The following MPIG6B variants were observed in gnomAD, a reference collection of about 807,000 sequenced individuals.
MPIG6B encodes megakaryocyte and platelet inhibitory receptor G6b, also known as immunoglobulin receptor.
In MPIG6B, 22 loss-of-function variants were observed where a neutral mutation model predicts 24.2. The ratio of observed to expected loss-of-function variants is 0.91; its 90% CI spans 0.65 to 1.30. MPIG6B has a LOEUF of 1.30. MPIG6B is among the 50% of genes most tolerant of loss of function. The pLI is 0.00. For missense variants in MPIG6B, 301 were observed against 318.5 expected, an observed-to-expected ratio of 0.94 and a Z score of 0.42; for synonymous variants, 136 against 142.0, an observed-to-expected ratio of 0.96 and a Z score of 0.30.
At position 31,723,622 on chromosome 6, in the gene MPIG6B, C is replaced by T; in HGVS notation, c.62-17C>T. 6.5e-7 allele frequency: 1 copy of T among 1,541,700 alleles called. No individual in the cohort carries two copies. The highest frequency in any genetic ancestry group is 8.7e-7 in the Non-Finnish European group (1 of 1,145,514). On this transcript the variant is annotated splice_polypyrimidine_tract_variant and intron_variant, in intron 1 of 5. Transcript: ENST00000649779. The surrounding 1 kb of genome is among the most constrained non-coding windows in gnomAD (Gnocchi z 4.3). ...CCCTGTGGACGTGCCCTAACCACAG[C>T]CTCCGGCCTCTCCTAGCTTCTCTGG...
Position 31,723,775 on chromosome 6 carries a change from C to T in MPIG6B, c.198C>T (p.Ala66=). ...AAGGACGCCGACCGATCCTGTGGGCCTCTTCGAGCGGGACCCCCACCGTGC... is the reference window on the plus strand; with the variant it reads ...AAGGACGCCGACCGATCCTGTGGGCTTCTTCGAGCGGGACCCCCACCGTGC... The part of the protein sequence containing the change: ...LSKGRRPILW[A]SSSGTPTVPP... Residue 66 remains alanine (A), a synonymous_variant, in exon 2 of 6, where the codon GCC becomes GCT. Coordinates refer to ENST00000649779, the MANE Select transcript of MPIG6B (RefSeq NM_138272.3). This position sits in a 1 kb window ranked among gnomAD's most constrained non-coding sequence, Gnocchi z 4.3. 6.2e-7 allele frequency: 1 copy of T among 1,613,954 alleles called. No homozygotes were observed. The highest frequency in any genetic ancestry group is 1.3e-5 in the African/African-American group (1 of 75,054).
chr6:31,724,164 GAT>G lies in MPIG6B; in HGVS notation c.433_434del (p.Ile145ProfsTer34). 6.2e-7 allele frequency: 1 copy of G among 1,613,178 alleles called. No homozygotes were observed. The highest frequency in any genetic ancestry group is 8.5e-7 in the Non-Finnish European group (1 of 1,179,896). ...THGSVYPQLL[I>X]PLLGAGLVLG... ...CAGGGTCCGTGTATCCCCAGCTCCT[GAT>G]CCCGCTGCTGGGCGCTGGGTTGGTG... On this transcript the variant is annotated frameshift_variant, in exon 3 of 6. Coordinates refer to ENST00000649779, the MANE Select transcript of MPIG6B (RefSeq NM_138272.3). LOFTEE classifies it high-confidence loss of function.
upstream of MPIG6B, chr6:31,722,947 T>G: frequency 4.1e-6 from 1 of 241,812 alleles, no homozygotes. Context: ...TTACTTTATT[T>G]CGTTATCACA....
chr6:31,726,575 C>T lies in MPIG6B; in HGVS notation c.*1501C>T, dbSNP rs1266301265. The T allele has an allele frequency of 6.6e-6, 1 of 152,262 alleles. No homozygotes were observed. The highest frequency in any genetic ancestry group is 1.5e-5 in the Non-Finnish European group (1 of 68,068). 9.4% of individuals were successfully genotyped at this position (152,262 alleles called of 1,614,324 possible). On this transcript the variant is annotated 3_prime_UTR_variant, in exon 6 of 6. Coordinates refer to ENST00000649779, the MANE Select transcript of MPIG6B (RefSeq NM_138272.3). This position sits in a 1 kb window ranked among gnomAD's most constrained non-coding sequence, Gnocchi z 5.1. ...ACCCCCTTTATTTCCCTCATAGAAA[C>T]AGCCTTCTGTAAATTGTTCCATGAC...
intron 3 of MPIG6B, 47 bp from the exon 4 acceptor site, chr6:31,724,540 A>G (rs1369524627): frequency 1.3e-6 from 2 of 1,552,384 alleles, no homozygotes; most frequent in Middle Eastern, 1.7e-4. Context: ...CAGGAGAACC[A>G]GTGAGACAAG....
chr6:31,724,912 C>A, intron 5 of MPIG6B, 58 bp from the exon 6 acceptor site: 1 of 1,602,402 alleles, frequency 6.2e-7, no homozygotes. Context: ...AAAAAAAAGG[C>A]CTGAACCCCA....
intron 2 of MPIG6B, 35 bp from the exon 3 acceptor site, chr6:31,724,107 C>T: frequency 6.3e-7 from 1 of 1,591,990 alleles, no homozygotes; most frequent in East Asian, 2.2e-5. Flanking sequence ...AAACCCCTGA[C>T]CTCAGCATCC....
chr6:31,724,061 G>T, intron 2 of MPIG6B, 75 bp downstream of exon 2: 4 of 1,575,736 alleles, frequency 2.5e-6, no homozygotes, highest in Non-Finnish European at 3.5e-6. Context: ...GCCTTGGCTG[G>T]GGGTTCTTGA....
At chr6:31,723,277 G>GC (rs1038461072), upstream of MPIG6B, 17 of 816,574 alleles carry the variant, frequency 2.1e-5, no homozygotes, top group Admixed American at 1.4e-4. This position sits in a 1 kb window ranked among gnomAD's most constrained non-coding sequence, Gnocchi z 4.3. Context: ...TCTTATCGGA[G>GC]CCCCCCAGCC....
upstream of MPIG6B, chr6:31,721,656 G>A (rs374302350): frequency 6.8e-6 from 11 of 1,614,042 alleles, no homozygotes; most frequent in African/African-American, 1.2e-4. Flanking sequence ...GAACAGACAG[G>A]GTGAGCAGCA....
chr6:31,720,522 G>A (rs1806723824), upstream of MPIG6B, among the ~76,000 whole-genome samples: 1 of 152,124 alleles, frequency 6.6e-6, no homozygotes. This position sits in a 1 kb window ranked among gnomAD's most constrained non-coding sequence, Gnocchi z 4.9. Context: ...TGGAATGTGA[G>A]GAAGATACCA....
At chr6:31,721,612 GC>G (rs755137977), upstream of MPIG6B, 165 of 1,613,022 alleles carry the variant, frequency 1.0e-4, no homozygotes, top group Admixed American at 4.7e-4. Context: ...GGTCTTTGGG[GC>G]CCCCAGGTGC....
At chr6:31,722,003 G>A (rs1806824044), upstream of MPIG6B, among the ~76,000 whole-genome samples, 1 of 152,182 alleles carries the variant, frequency 6.6e-6, no homozygotes, top group Non-Finnish European at 1.5e-5. Context: ...TAAGAGTCCT[G>A]CTGCTCAGTC....
rs2151302096 is a variant in MPIG6B, at chr6:31,725,388, A to G, written c.*314A>G. The G allele has an allele frequency of 3.5e-6, 1 of 289,258 alleles. No homozygotes were observed. The highest frequency in any genetic ancestry group is 6.3e-6 in the Non-Finnish European group (1 of 158,362). The allele number at this position is 289,258 out of a possible 1,614,324, so 17.9% of individuals were successfully genotyped here. A position where few individuals can be genotyped will look rare whatever the true frequency, so the allele number is the denominator to read the frequency against. The stretch of plus-strand genomic sequence containing the variant: ...CTGTTGCCCAGGCTGGAGTGCAGTG[A>G]CACCATCTCCCTCACTGCAAGCTCC... On this transcript the variant is annotated 3_prime_UTR_variant, in exon 6 of 6. Coordinates refer to ENST00000649779, the MANE Select transcript of MPIG6B (RefSeq NM_138272.3). The surrounding 1 kb of genome is among the most constrained non-coding windows in gnomAD (Gnocchi z 5.2).
At chr6:31,724,326 G>C (rs774681472) in intron 3 of MPIG6B, 94 bp downstream of exon 3, 8 of 1,087,862 alleles carry the variant, frequency 7.4e-6, no homozygotes, top group Non-Finnish European at 1.1e-5. Context: ...GCTAGACCTA[G>C]AGCTCTGGTC....
Position 31,723,785 on chromosome 6 carries a change from G to T in MPIG6B, c.208G>T (p.Gly70Trp). Residue 70 changes from glycine (G) to tryptophan (W), a missense_variant, in exon 2 of 6, where the codon GGG becomes TGG. Physicochemically the swap from Gly to Trp is radical, Grantham distance 184. Coordinates refer to ENST00000649779, the MANE Select transcript of MPIG6B (RefSeq NM_138272.3). The surrounding 1 kb of genome is among the most constrained non-coding windows in gnomAD (Gnocchi z 4.3). Reference sequence around the variant, plus strand: ...ACCGATCCTGTGGGCCTCTTCGAGCGGGACCCCCACCGTGCCTCCCCTCCA... The same window carrying T: ...ACCGATCCTGTGGGCCTCTTCGAGCTGGACCCCCACCGTGCCTCCCCTCCA... ...RRPILWASSS[G>W]TPTVPPLQPF... The T allele has an allele frequency of 6.2e-7, 1 of 1,613,972 alleles. No homozygotes were observed. The highest frequency in any genetic ancestry group is 8.5e-7 in the Non-Finnish European group (1 of 1,180,000).
upstream of MPIG6B, chr6:31,723,352 C>A: frequency 6.3e-7 from 1 of 1,597,652 alleles, no homozygotes; most frequent in South Asian, 1.1e-5. The surrounding 1 kb of genome is among the most constrained non-coding windows in gnomAD (Gnocchi z 4.3). Flanking sequence ...GCCGCTGATT[C>A]GCTCGCAGCT....
At chr6:31,724,676 A>C in intron 4 of MPIG6B, 49 bp downstream of exon 4, 10 of 1,603,882 alleles carry the variant, frequency 6.2e-6, no homozygotes, top group Non-Finnish European at 7.7e-6. Flanking sequence ...CCCACTCCCC[A>C]CCCCTCAATT....
rs1562173185 is a variant in MPIG6B, at chr6:31,723,881, GACTCGGGC to G, written c.308_315del (p.Ser103PhefsTer74). 6.2e-7 allele frequency: 1 copy of G among 1,609,318 alleles called. No homozygotes were observed. The highest frequency in any genetic ancestry group is 8.5e-7 in the Non-Finnish European group (1 of 1,177,624). Reference sequence around the variant, plus strand: ...GCTGGAGCTCCTCTTGAGCGCGGGGGACTCGGGCACTTTTTTCTGCAAGGGCCGCCACG... The same window carrying G: ...GCTGGAGCTCCTCTTGAGCGCGGGGGACTTTTTTCTGCAAGGGCCGCCACG... On this transcript the variant is annotated frameshift_variant, in exon 2 of 6. Coordinates refer to ENST00000649779, the MANE Select transcript of MPIG6B (RefSeq NM_138272.3). LOFTEE classifies it high-confidence loss of function. The surrounding 1 kb of genome is among the most constrained non-coding windows in gnomAD (Gnocchi z 4.3).
Sources: gnomAD v4.1 joint callset for allele counts (sites outside exome capture counted in the v4.1 genomes callset) on GRCh38, gnomAD v4.1.1 for gene constraint, Gnocchi (gnomAD v3.1) non-coding constraint, MANE v1.5 for transcripts, NCBI Gene and HGNC (gene_info 2026-07-23, HGNC 2026-07-21) for gene names.